GFOD2: variants seen among roughly 807,000 people sequenced by gnomAD.
The protein encoded by GFOD2 is glucose-fructose oxidoreductase domain-containing protein 2.
Under a neutral mutation model 24.6 loss-of-function variants are expected in GFOD2, and 9 were observed. That is an observed-to-expected ratio of 0.37 (90% CI 0.22 to 0.64). The LOEUF (loss-of-function observed/expected upper bound fraction) is 0.64. Among genes scored for constraint, GFOD2 ranks in the 30% least tolerant of loss-of-function variants. GFOD2 has a pLI of 0.65. For missense variants in GFOD2, 476 were observed against 532.5 expected (o/e 0.89, Z 1.04); for synonymous variants, 211 against 224.8 (o/e 0.94, Z 0.55).
At chr16:67,679,048 C>G (rs1457627937) in intron 2 of GFOD2, among the ~76,000 whole-genome samples, 3 of 151,984 alleles carry the variant, frequency 2.0e-5, no homozygotes, top group Non-Finnish European at 4.4e-5. Flanking sequence ...GTACCTGTAG[C>G]CCCAGCTACT....
intron 1 of GFOD2, among the ~76,000 whole-genome samples, chr16:67,703,922 A>G (rs1315761412): frequency 6.6e-6 from 1 of 152,186 alleles, no homozygotes; most frequent in East Asian, 1.9e-4. Flanking sequence ...GGTACCTCAC[A>G]TAAGTGGAAT....
intron 2 of GFOD2, chr16:67,681,319 G>A (rs2053223655): frequency 3.0e-6 from 3 of 985,336 alleles, no homozygotes; most frequent in African/African-American, 1.7e-5. Context: ...TTTTATGACT[G>A]CTAGGAGTTT....
intron 1 of GFOD2, among the ~76,000 whole-genome samples, chr16:67,687,572 C>T (rs1451136145): frequency 1.4e-5 from 2 of 139,994 alleles, no homozygotes; most frequent in African/African-American, 5.4e-5. Context: ...ACCCAGGAGG[C>T]GGAGCCTGCA....
intron 1 of GFOD2, among the ~76,000 whole-genome samples, chr16:67,698,459 A>G (rs2053374465): frequency 6.6e-6 from 1 of 152,160 alleles, no homozygotes; most frequent in Non-Finnish European, 1.5e-5. Flanking sequence ...CAGGTAAGCA[A>G]TAAGAACCAT....
At chr16:67,682,946 G>A (rs2053239239) in intron 2 of GFOD2, 2 of 508,518 alleles carry the variant, frequency 3.9e-6, no homozygotes, top group Middle Eastern at 9.7e-4. Flanking sequence ...GGTTTGGAGT[G>A]GGGCCTGAGA....
chr16:67,675,116 T>C lies in GFOD2; in HGVS notation c.*39A>G. On this transcript the variant is annotated 3_prime_UTR_variant, in exon 3 of 3. Transcript: ENST00000268797. ...CATGTCTGGCTCCTGTTCCCCTCCC[T>C]GGTCCCTCTGCCCTGTGGCAAGGAG... The C allele has an allele frequency of 1.3e-6, 2 of 1,571,310 alleles. No individual in the cohort carries two copies. Among genetic ancestry groups the C allele is most frequent in the Non-Finnish European group, 1.7e-6 (2 of 1,156,256 alleles).
At position 67,675,436 on chromosome 16, in the gene GFOD2, C is replaced by G. The variant is rs2053176809; in HGVS notation, c.877G>C (p.Glu293Gln). Residue 293 changes from glutamate to glutamine, a missense_variant, in exon 3 of 3, where the codon GAG (glutamate) becomes CAG (glutamine). Transcript: ENST00000268797. The part of the protein sequence containing the change: ...DSLAVGAGLP[E>Q]QGPQDVPLLY... ...AGCGGGACATCCTGGGGCCCCTGCT[C>G]AGGCAGTCCTGCGCCCACTGCCAGC... 3 of 1,612,788 alleles carry G rather than the reference C, an allele frequency of 1.9e-6. No homozygotes were observed. Among genetic ancestry groups the G allele is most frequent in the South Asian group, 2.2e-5 (2 of 91,086 alleles).
At position 67,675,529 on chromosome 16, in the gene GFOD2, C is replaced by A; in HGVS notation, c.784G>T (p.Ala262Ser). 1 of 1,612,864 alleles carries A rather than the reference C, an allele frequency of 6.2e-7. No homozygotes were observed. Among genetic ancestry groups the A allele is most frequent in the East Asian group, 2.2e-5 (1 of 44,894 alleles). The change falls in exon 3 of 3, where the codon GCC (alanine) becomes TCC (serine). Residue 262 changes from alanine (A) to serine (S), a missense_variant. Ala to Ser is a moderately conservative substitution (Grantham distance 99). Coordinates refer to ENST00000268797, the MANE Select transcript of GFOD2 (RefSeq NM_030819.4). ...TGCCCATAGAGGTCGGCTCCCCGGGCGACGAGGCGTCCTGCAGAGCCTACC... is the reference window on the plus strand; with the variant it reads ...TGCCCATAGAGGTCGGCTCCCCGGGAGACGAGGCGTCCTGCAGAGCCTACC... ...MVVGSAGRLV[A>S]RGADLYGQKN...
rs557482368 is a variant in GFOD2, at chr16:67,710,854, C to G, written c.-88+8309G>C. Among the ~76,000 whole-genome samples, 3 of 152,228 alleles carry G rather than the reference C, an allele frequency of 2.0e-5. No individual in the cohort carries two copies. The East Asian group carries it at 5.8e-4, about 29-fold the overall frequency. On this transcript the variant is annotated intron_variant, in intron 1 of 2. Coordinates refer to ENST00000268797, the MANE Select transcript of GFOD2 (RefSeq NM_030819.4). ...TTGCTGTGCTCTATTCAGAGTTGAG[C>G]TCAGTCTCTCTCCCCAACTGCAAGA...
At chr16:67,682,195 G>A (rs530738002) in intron 2 of GFOD2, 3 of 241,214 alleles carry the variant, frequency 1.2e-5, no homozygotes, top group East Asian at 1.8e-4. Flanking sequence ...GTGCCAACAC[G>A]CCCAGCTAAT....
chr16:67,685,863 C>CTT, intron 1 of GFOD2, 61 bp from the exon 2 acceptor site: 19 of 887,684 alleles, frequency 2.1e-5, no homozygotes, highest in South Asian at 4.1e-5. Flanking sequence ...AGGCTACTTT[C>CTT]TTTTTTTTTT....
intron 1 of GFOD2, among the ~76,000 whole-genome samples, chr16:67,699,978 GGAGGGAGGAACACTT>G (rs2053389937): frequency 6.6e-6 from 1 of 152,106 alleles, no homozygotes; most frequent in Non-Finnish European, 1.5e-5. Flanking sequence ...AGGAGGCTCA[GGAGGGAGGAACACTT>G]GAGCCTGGGA....
chr16:67,688,535 G>C (rs903808898), intron 1 of GFOD2, among the ~76,000 whole-genome samples: 23 of 152,060 alleles, frequency 1.5e-4, no homozygotes, highest in African/African-American at 5.1e-4. Context: ...ATGTAGGTGT[G>C]CTCAGAATAT....
At chr16:67,704,107 G>C (rs186769711) in intron 1 of GFOD2, among the ~76,000 whole-genome samples, 1 of 152,212 alleles carries the variant, frequency 6.6e-6, no homozygotes, top group African/African-American at 2.4e-5. Flanking sequence ...TGAATGCTCG[G>C]GTTGCTTCTA....
At position 67,719,271 on chromosome 16, in the gene GFOD2, C is replaced by T. The variant is rs1434904981; in HGVS notation, c.-196G>A. 2.0e-5 allele frequency: 3 copies of T among 152,258 alleles called. No individual in the cohort carries two copies. Among genetic ancestry groups the T allele is most frequent in the African/African-American group, 7.2e-5 (3 of 41,464 alleles). The allele number at this position is 152,258 out of a possible 1,614,324, so 9.4% of individuals were successfully genotyped here. ...GGAAGGCTGGCGGGGATGCGCGGGC[C>T]CGGGAGTCCAGGGCGCCGCCACCGG... On this transcript the variant is annotated 5_prime_UTR_variant, in exon 1 of 3. Transcript: ENST00000268797.
At chr16:67,677,937 G>A (rs886983819) in intron 2 of GFOD2, 1 of 152,222 alleles carries the variant, frequency 6.6e-6, no homozygotes, top group African/African-American at 2.4e-5. Context: ...CTCCAGGTAT[G>A]TGCATCTTCA....
intron 1 of GFOD2, among the ~76,000 whole-genome samples, chr16:67,712,521 G>A (rs1191494629): frequency 8.4e-6 from 1 of 119,122 alleles, no homozygotes; most frequent in Admixed American, 8.2e-5. Context: ...GCTCCTAGCC[G>A]CGAGTGATCC....
intron 1 of GFOD2, among the ~76,000 whole-genome samples, chr16:67,699,009 C>T (rs1362398499): frequency 6.6e-6 from 1 of 152,064 alleles, no homozygotes; most frequent in Non-Finnish European, 1.5e-5. Context: ...GTCTCATAAA[C>T]TTAGGCACAA....
intron 1 of GFOD2, among the ~76,000 whole-genome samples, chr16:67,711,834 T>C (rs547027660): frequency 3.3e-5 from 5 of 152,336 alleles, no homozygotes; most frequent in Non-Finnish European, 5.9e-5. Context: ...GCTGGCTCTC[T>C]ACCTTCAAAA....
Sources: gnomAD v4.1 joint callset for allele counts (sites outside exome capture counted in the v4.1 genomes callset) on GRCh38, gnomAD v4.1.1 for gene constraint, MANE v1.5 for transcripts, NCBI Gene and HGNC (gene_info 2026-07-23, HGNC 2026-07-21) for gene names.